CFTR: variants seen among roughly 807,000 people sequenced by gnomAD.
CFTR encodes CF transmembrane conductance regulator, also known as cystic fibrosis transmembrane conductance regulator.
Under a neutral mutation model 171.6 loss-of-function variants are expected in CFTR, and 181 were observed. That is an observed-to-expected ratio of 1.05 (90% CI 0.93 to 1.19). The LOEUF is 1.19. Ranked by LOEUF, CFTR falls within the 50% of genes most tolerant of loss-of-function variation. The probability of loss-of-function intolerance (pLI) is 0.00; values close to 1 mark genes in which losing one functional copy is unlikely to be tolerated. For synonymous variants in CFTR, 583 were observed against 608.0 expected (o/e 0.96, Z 0.60); for missense variants, 1,968 against 1,734.7 (o/e 1.13, Z -2.39).
rs34906874 is a variant in CFTR at position 117,559,422 on chromosome 7, G to A, written c.1393-42G>A. ...AATTGGAGGCAAGTGAATCCTGAGC[G>A]TGATTTGATAATGACCTAATAATGA... On this transcript the variant is annotated intron_variant, in intron 10 of 26. Coordinates refer to ENST00000003084, the MANE Select transcript of CFTR (RefSeq NM_000492.4). 1,927 of 1,279,784 alleles carry A rather than the reference G, an allele frequency of 1.5e-3. 47 individuals are homozygous for A. The Admixed American group carries it at 0.03, about 20-fold the overall frequency. 79.3% of individuals were successfully genotyped at this position (1,279,784 alleles called of 1,614,324 possible). A position where few individuals can be genotyped will look rare whatever the true frequency, so the allele number is the denominator to read the frequency against.
chr7:117,515,947 C>G (rs933479694), intron 3 of CFTR, among the ~76,000 whole-genome samples: 1 of 152,152 alleles, frequency 6.6e-6, no homozygotes, highest in Non-Finnish European at 1.5e-5. Flanking sequence ...ATTTGCCTCT[C>G]TGCTGCCTGT....
intron 10 of CFTR, among the ~76,000 whole-genome samples, chr7:117,551,373 A>G (rs1296518376): frequency 6.6e-6 from 1 of 152,226 alleles, no homozygotes; most frequent in Non-Finnish European, 1.5e-5. Flanking sequence ...ATAAAATCAT[A>G]TGTATGTATA....
intron 3 of CFTR, among the ~76,000 whole-genome samples, chr7:117,509,819 G>A (rs1201568001): frequency 6.6e-6 from 1 of 151,956 alleles, no homozygotes; most frequent in African/African-American, 2.4e-5. Flanking sequence ...TTGAATCCTT[G>A]GTTGTAACCT....
chr7:117,515,752 A>G (rs970482114), intron 3 of CFTR, among the ~76,000 whole-genome samples: 1 of 152,160 alleles, frequency 6.6e-6, no homozygotes, highest in Non-Finnish European at 1.5e-5. Flanking sequence ...CAGTATAGCC[A>G]TGTTCACAAT....
At chr7:117,576,410 T>C (rs981529457) in intron 11 of CFTR, among the ~76,000 whole-genome samples, 4 of 152,138 alleles carry the variant, frequency 2.6e-5, no homozygotes, top group African/African-American at 9.7e-5. Context: ...CTAGAGATGA[T>C]TTAAAGTATA....
intron 21 of CFTR, 146 bp downstream of exon 21, chr7:117,614,859 G>T: frequency 1.5e-6 from 1 of 664,720 alleles, no homozygotes; most frequent in Non-Finnish European, 2.7e-6. Flanking sequence ...CTGTGTATCT[G>T]TCATTAAATC....
chr7:117,636,469 C>T (rs947033650), intron 22 of CFTR, among the ~76,000 whole-genome samples: 1 of 151,998 alleles, frequency 6.6e-6, no homozygotes, highest in African/African-American at 2.4e-5. Flanking sequence ...ATTATTGCTT[C>T]AAATATTTCT....
intron 11 of CFTR, among the ~76,000 whole-genome samples, chr7:117,581,419 A>G (rs1402966923): frequency 6.6e-6 from 1 of 152,186 alleles, no homozygotes; most frequent in Admixed American, 6.5e-5. Context: ...GGGGCATATT[A>G]TCACATCAGG....
At chr7:117,572,060 G>C (rs1021088433) in intron 11 of CFTR, among the ~76,000 whole-genome samples, 1 of 152,084 alleles carries the variant, frequency 6.6e-6, no homozygotes, top group African/African-American at 2.4e-5. Context: ...GGAGTGCAGT[G>C]GCATGATCTT....
chr7:117,660,670 G>C (rs966899872), intron 24 of CFTR, among the ~76,000 whole-genome samples: 1 of 151,086 alleles, frequency 6.6e-6, no homozygotes, highest in Non-Finnish European at 1.5e-5. Flanking sequence ...ATATATATGT[G>C]TGTGTGTGTG....
chr7:117,608,250 G>A (rs1792331896), intron 18 of CFTR, among the ~76,000 whole-genome samples: 1 of 151,984 alleles, frequency 6.6e-6, no homozygotes, highest in Non-Finnish European at 1.5e-5. Context: ...TGTTGCCCAG[G>A]CTGGAGTGCA....
At chr7:117,644,605 T>C (rs1792971355) in intron 23 of CFTR, among the ~76,000 whole-genome samples, 1 of 152,188 alleles carries the variant, frequency 6.6e-6, no homozygotes, top group Non-Finnish European at 1.5e-5. Flanking sequence ...ACAGGAACTT[T>C]GAACAAGAAA....
At chr7:117,535,451 ATGT>A (rs1798937889) in intron 6 of CFTR, 40 bp downstream of exon 6, 1 of 1,595,266 alleles carries the variant, frequency 6.3e-7, no homozygotes, top group South Asian at 1.1e-5. Flanking sequence ...TTTAAAAATT[ATGT>A]TTTCAAAAAG....
intron 4 of CFTR, among the ~76,000 whole-genome samples, chr7:117,531,560 G>C (rs761902179): frequency 5.3e-5 from 8 of 152,080 alleles, no homozygotes; most frequent in African/African-American, 1.9e-4. Context: ...ATAAGTAGTA[G>C]TATCCACCGC....
intron 14 of CFTR, among the ~76,000 whole-genome samples, chr7:117,594,149 C>T (rs1291611672): frequency 1.3e-5 from 2 of 152,048 alleles, no homozygotes; most frequent in Non-Finnish European, 1.5e-5. Flanking sequence ...CAAGCAGCTC[C>T]TAGGATGTTA....
intron 10 of CFTR, among the ~76,000 whole-genome samples, chr7:117,556,274 A>C (rs924339094): frequency 6.6e-6 from 1 of 151,866 alleles, no homozygotes; most frequent in South Asian, 2.1e-4. Context: ...CATGTTGGCC[A>C]GGATGGTATT....
intron 7 of CFTR, among the ~76,000 whole-genome samples, chr7:117,539,831 A>T (rs1420671755): frequency 3.3e-5 from 5 of 151,224 alleles, no homozygotes; most frequent in South Asian, 2.1e-4. Context: ...ATTATAATTT[A>T]AAAATAATAT....
chr7:117,522,922 A>G (rs567187660), intron 3 of CFTR, among the ~76,000 whole-genome samples: 15 of 152,324 alleles, frequency 9.8e-5, no homozygotes, highest in Non-Finnish European at 1.6e-4. Flanking sequence ...GGAAAACTAT[A>G]GAAGGGGTGG....
At position 117,595,001 on chromosome 7, in the gene CFTR, T is replaced by A. The variant is rs1042077; in HGVS notation, c.2562T>A (p.Thr854=). 5 of 1,612,560 alleles carry A rather than the reference T, an allele frequency of 3.1e-6. No homozygotes were observed. The African/African-American group carries it at 5.3e-5, about 17-fold the overall frequency. ...TTWNTYLRYI[T]VHKSLIFVLI... is the part of the protein sequence containing the mutation. ...GGAACACATACCTTCGATATATTAC[T>A]GTCCACAAGAGCTTAATTTTTGTGC... Residue 854 remains threonine, a synonymous_variant, in exon 15 of 27, where the codon ACT becomes ACA. Coordinates refer to ENST00000003084, the MANE Select transcript of CFTR (RefSeq NM_000492.4).
Sources: gnomAD v4.1 joint callset for allele counts (sites outside exome capture counted in the v4.1 genomes callset) on GRCh38, gnomAD v4.1.1 for gene constraint, MANE v1.5 for transcripts, NCBI Gene and HGNC (gene_info 2026-07-23, HGNC 2026-07-21) for gene names.